The following YLPM1 variants were observed in gnomAD, a reference collection of about 807,000 sequenced individuals.
YLPM1 encodes the protein YLP motif-containing protein 1.
A neutral mutation model predicts 230.0 loss-of-function variants in YLPM1; 99 were observed. The ratio of observed to expected loss-of-function variants is 0.43; its 90% CI spans 0.37 to 0.51. The LOEUF is 0.51. Among genes scored for constraint, YLPM1 ranks in the 20% least tolerant of loss-of-function variants. The probability of loss-of-function intolerance (pLI) is 0.00; values close to 1 mark genes in which losing one functional copy is unlikely to be tolerated. For missense variants in YLPM1, 2,592 were observed against 2,707.7 expected, an observed-to-expected ratio of 0.96 and a Z score of 0.95; for synonymous variants, 984 against 942.5, an observed-to-expected ratio of 1.04 and a Z score of -0.81.
In YLPM1 at chr14:74,835,989, C is replaced by G; in HGVS notation, c.*251C>G. On this transcript the variant is annotated 3_prime_UTR_variant, in exon 21 of 21. Coordinates refer to ENST00000325680, the MANE Select transcript of YLPM1 (RefSeq NM_019589.3). ...GGGGAGGGAGGGAGTGATAGCTTAA[C>G]TGCTGAAGCCAGGCGGGGGTCTGCT... The G allele has an allele frequency of 2.3e-6, 1 of 434,500 alleles. No individual in the cohort carries two copies. The highest frequency in any genetic ancestry group is 1.6e-5 in the South Asian group (1 of 60,628). The allele number at this position is 434,500 out of a possible 1,614,324, so 26.9% of individuals were successfully genotyped here.
chr14:74,810,843 G>A (rs974900211), intron 9 of YLPM1, among the ~76,000 whole-genome samples: 3 of 151,978 alleles, frequency 2.0e-5, no homozygotes, highest in South Asian at 4.1e-4. Context: ...GTATGGAGAC[G>A]GGGTCTCTCT....
At chr14:74,783,886 C>G (rs2091120585) in intron 4 of YLPM1, among the ~76,000 whole-genome samples, 1 of 152,166 alleles carries the variant, frequency 6.6e-6, no homozygotes, top group South Asian at 2.1e-4. Context: ...TTACTCTTAA[C>G]AAAATGGCAC....
chr14:74,768,264 T>G (rs1416951568), intron 1 of YLPM1, among the ~76,000 whole-genome samples: 1 of 151,280 alleles, frequency 6.6e-6, no homozygotes, highest in Non-Finnish European at 1.5e-5. Flanking sequence ...GTTTGTTTGT[T>G]TCTGAGAGAG....
chr14:74,814,409 C>T (rs1177219630), intron 11 of YLPM1, among the ~76,000 whole-genome samples: 1 of 152,160 alleles, frequency 6.6e-6, no homozygotes, highest in Admixed American at 6.5e-5. Flanking sequence ...TGTAGATGCA[C>T]TTCATTAGGT....
intron 1 of YLPM1, among the ~76,000 whole-genome samples, chr14:74,764,607 C>T (rs761175118): frequency 6.6e-6 from 1 of 152,196 alleles, no homozygotes; most frequent in Non-Finnish European, 1.5e-5. Flanking sequence ...TCAAAAGTTA[C>T]CTCTCAGATA....
intron 4 of YLPM1, among the ~76,000 whole-genome samples, chr14:74,787,436 G>A (rs534921811): frequency 5.9e-5 from 9 of 151,868 alleles, no homozygotes; most frequent in African/African-American, 9.7e-5. Context: ...GGTGGTGCAC[G>A]CTTGTAATTC....
chr14:74,794,085 C>T (rs545937918), intron 4 of YLPM1, among the ~76,000 whole-genome samples: 1 of 152,298 alleles, frequency 6.6e-6, no homozygotes, highest in South Asian at 2.1e-4. Context: ...TACCTCCTCT[C>T]TCTGTTTATT....
rs1339078606 is a variant in YLPM1, at chr14:74,816,974, G to A, written c.5729G>A (p.Arg1910His). 6 of 1,604,216 alleles carry A rather than the reference G, an allele frequency of 3.7e-6. No homozygotes were observed. Among genetic ancestry groups the A allele is most frequent in the African/African-American group, 1.3e-5 (1 of 74,510 alleles). Residue 1910 changes from arginine to histidine, a missense_variant, in exon 14 of 21, where the codon CGC becomes CAC. Arg to His is a conservative substitution (Grantham distance 29). Around this residue, in one of 4 missense-constraint regions of YLPM1, gnomAD observed 315 missense variants for 429.3 expected, o/e 0.73. Coordinates refer to ENST00000325680, the MANE Select transcript of YLPM1 (RefSeq NM_019589.3). The part of the protein sequence containing the change: ...EYEAEMEETY[R>H]TSMFKTFKKT... ...GAAGCTGAGATGGAGGAGACTTACC[G>A]CACCAGCATGTTCAAAACTTTCAAA...
chr14:74,811,669 G>A lies in YLPM1; in HGVS notation c.5278G>A (p.Gly1760Ser). Residue 1760 changes from glycine (G) to serine (S), a missense_variant, in exon 10 of 21, where the codon GGT becomes AGT. Gly to Ser is a moderately conservative substitution (Grantham distance 56, BLOSUM62 0). This residue lies in a region of YLPM1 where 403 missense variants were observed against 426.7 expected (regional missense o/e 0.94). Transcript: ENST00000325680. ...KKDHSSSRRG[G>S]FDRPSYDRKS... ...AGACCATTCCTCATCCAGAAGAGGGGGTTTTGATAGGCCATCCTATGACCG... is the reference window on the plus strand; with the variant it reads ...AGACCATTCCTCATCCAGAAGAGGGAGTTTTGATAGGCCATCCTATGACCG... 1.9e-6 allele frequency: 3 copies of A among 1,612,876 alleles called. No homozygotes were observed. The highest frequency in any genetic ancestry group is 2.5e-6 in the Non-Finnish European group (3 of 1,179,558).
At chr14:74,815,914 T>A (rs2091474565) in intron 11 of YLPM1, among the ~76,000 whole-genome samples, 1 of 152,128 alleles carries the variant, frequency 6.6e-6, no homozygotes. Flanking sequence ...GATTTCTGGT[T>A]CCTCTTCATT....
chr14:74,803,835 C>T (rs776877629), intron 6 of YLPM1, among the ~76,000 whole-genome samples: 5 of 152,168 alleles, frequency 3.3e-5, no homozygotes, highest in South Asian at 2.1e-4. Context: ...GCCTATAGTT[C>T]GAGTTTTGAC....
intron 4 of YLPM1, among the ~76,000 whole-genome samples, chr14:74,797,266 C>G (rs1160292850): frequency 6.7e-6 from 1 of 149,458 alleles, no homozygotes; most frequent in Non-Finnish European, 1.5e-5. Context: ...GCTGTGATTA[C>G]AAGTGTGAGC....
chr14:74,802,082 G>A (rs1357575085), intron 5 of YLPM1, among the ~76,000 whole-genome samples: 1 of 152,032 alleles, frequency 6.6e-6, no homozygotes, highest in Non-Finnish European at 1.5e-5. Flanking sequence ...GCCGGGCGCG[G>A]TGGTGCATGC....
chr14:74,829,425 A>C (rs1054936204), intron 19 of YLPM1, 82 bp downstream of exon 19: 2 of 1,561,470 alleles, frequency 1.3e-6, no homozygotes, highest in Non-Finnish European at 1.7e-6. Context: ...GCAGATGATC[A>C]CATGGATGCT....
At chr14:74,784,487 C>T (rs1281640112) in intron 4 of YLPM1, among the ~76,000 whole-genome samples, 2 of 152,150 alleles carry the variant, frequency 1.3e-5, no homozygotes, top group Non-Finnish European at 2.9e-5. Context: ...AATACCTTGC[C>T]TCATATAACA....
chr14:74,771,762 T>C (rs546054303), intron 1 of YLPM1, among the ~76,000 whole-genome samples: 2 of 152,168 alleles, frequency 1.3e-5, no homozygotes, highest in African/African-American at 4.8e-5. Flanking sequence ...GAAATGGGGA[T>C]GGTGAGTACA....
intron 6 of YLPM1, among the ~76,000 whole-genome samples, chr14:74,805,292 A>G (rs889293311): frequency 1.8e-4 from 28 of 152,000 alleles, no homozygotes; most frequent in African/African-American, 6.8e-4. Flanking sequence ...AAGTGCTGGG[A>G]TTACAGGCAT....
intron 4 of YLPM1, among the ~76,000 whole-genome samples, chr14:74,790,208 T>C (rs1405850844): frequency 6.6e-6 from 1 of 152,212 alleles, no homozygotes; most frequent in Non-Finnish European, 1.5e-5. Context: ...TTCCATTCTA[T>C]AGCTATCTTA....
intron 11 of YLPM1, among the ~76,000 whole-genome samples, chr14:74,813,609 T>G (rs2091453657): frequency 2.0e-5 from 3 of 152,152 alleles, no homozygotes; most frequent in Non-Finnish European, 2.9e-5. Flanking sequence ...TTCACATTTT[T>G]TTTTTAAATT....
Sources: gnomAD v4.1 joint callset for allele counts (sites outside exome capture counted in the v4.1 genomes callset) on GRCh38, gnomAD v4.1.1 for gene constraint, gnomAD v4.1.1 regional missense constraint, MANE v1.5 for transcripts, NCBI Gene and HGNC (gene_info 2026-07-23, HGNC 2026-07-21) for gene names.